The following RBFOX1 variants were observed in gnomAD, a reference collection of about 807,000 sequenced individuals.
RBFOX1 encodes the protein RNA binding protein fox-1 homolog 1.
A neutral mutation model predicts 57.7 loss-of-function variants in RBFOX1; 8 were observed. The ratio of observed to expected loss-of-function variants is 0.14; its 90% CI spans 0.08 to 0.25. The LOEUF (loss-of-function observed/expected upper bound fraction) is 0.25, where lower values mean the gene tolerates loss of function less well. Ranked by LOEUF, RBFOX1 falls within the 10% of genes least tolerant of loss-of-function variation. The pLI is 1.00. For missense variants in RBFOX1, 611 were observed against 548.5 expected (o/e 1.11, Z -1.14); for synonymous variants, 326 against 222.4 (o/e 1.47, Z -4.15).
intron 1 of RBFOX1, among the ~76,000 whole-genome samples, chr16:5,306,438 GC>G (rs768725074): frequency 2.0e-5 from 3 of 151,886 alleles, no homozygotes; most frequent in Non-Finnish European, 4.4e-5. Flanking sequence ...TCCTGCCTCA[GC>G]CTTCTAAATA....
intron 4 of RBFOX1, among the ~76,000 whole-genome samples, chr16:7,504,413 T>A (rs529218811): frequency 2.0e-5 from 3 of 151,896 alleles, no homozygotes; most frequent in Admixed American, 1.3e-4. Context: ...CATGGTCTTG[T>A]GCCTTTTTGA....
intron 4 of RBFOX1, among the ~76,000 whole-genome samples, chr16:5,961,251 T>A (rs1232017800): frequency 6.6e-6 from 1 of 152,160 alleles, no homozygotes; most frequent in Non-Finnish European, 1.5e-5. Flanking sequence ...TGCTGAACAT[T>A]TTACATTAGT....
intron 4 of RBFOX1, among the ~76,000 whole-genome samples, chr16:7,402,521 A>C (rs2098262117): frequency 6.6e-6 from 1 of 152,198 alleles, no homozygotes; most frequent in Admixed American, 6.6e-5. Context: ...TGCTGTCAGG[A>C]GGTCATCGTT....
intron 1 of RBFOX1, among the ~76,000 whole-genome samples, chr16:5,430,250 G>A (rs1296519716): frequency 6.6e-6 from 1 of 152,172 alleles, no homozygotes; most frequent in East Asian, 1.9e-4. Flanking sequence ...GGAAATGGCA[G>A]CAGGTGGTGG....
At chr16:5,953,091 T>C (rs1316352025) in intron 4 of RBFOX1, among the ~76,000 whole-genome samples, 1 of 143,870 alleles carries the variant, frequency 7.0e-6, no homozygotes, top group Non-Finnish European at 1.5e-5. Flanking sequence ...TCTGCCTCTG[T>C]AGATTCTGTG....
intron 4 of RBFOX1, among the ~76,000 whole-genome samples, chr16:7,469,095 G>A (rs943461857): frequency 3.3e-5 from 5 of 151,998 alleles, no homozygotes; most frequent in Admixed American, 6.6e-5. Flanking sequence ...CACCATGCCC[G>A]GCTAATTTTT....
chr16:7,062,967 G>A (rs183966936), intron 4 of RBFOX1, among the ~76,000 whole-genome samples: 4 of 112,914 alleles, frequency 3.5e-5, no homozygotes, highest in African/African-American at 1.0e-4. Context: ...TTCTGTGATC[G>A]AAGAATCCCT....
intron 4 of RBFOX1, among the ~76,000 whole-genome samples, chr16:7,240,820 T>C (rs563970650): frequency 7.6e-4 from 116 of 152,324 alleles, no homozygotes; most frequent in African/African-American, 2.6e-3. Flanking sequence ...TCCACCTGCC[T>C]CAGCCTTCCA....
chr16:5,260,318 C>T (rs903036726), intron 1 of RBFOX1, among the ~76,000 whole-genome samples: 13 of 152,072 alleles, frequency 8.5e-5, no homozygotes, highest in African/African-American at 2.4e-4. Flanking sequence ...CTCACGACCC[C>T]AAGAAATAAA....
At chr16:7,589,229 A>G (rs1400639630) in intron 7 of RBFOX1, among the ~76,000 whole-genome samples, 1 of 152,114 alleles carries the variant, frequency 6.6e-6, no homozygotes, top group East Asian at 1.9e-4. Context: ...CTGCCTTCAA[A>G]GATGTGTTGT....
chr16:6,024,162 A>G (rs779219467), intron 1 of RBFOX1, among the ~76,000 whole-genome samples: 4 of 152,188 alleles, frequency 2.6e-5, no homozygotes. Flanking sequence ...CTGCTGCTAC[A>G]GAAGAGTGTG....
intron 4 of RBFOX1, among the ~76,000 whole-genome samples, chr16:5,962,683 C>G (rs960748110): frequency 2.0e-5 from 3 of 152,066 alleles, no homozygotes; most frequent in Non-Finnish European, 4.4e-5. Flanking sequence ...TAGAAGGTGA[C>G]TATTATTATC....
At chr16:6,475,950 C>T (rs527619313) in intron 2 of RBFOX1, among the ~76,000 whole-genome samples, 27 of 152,108 alleles carry the variant, frequency 1.8e-4, no homozygotes, top group African/African-American at 6.3e-4. Flanking sequence ...TTTTTTCCCC[C>T]TATGAAGAAG....
At chr16:7,370,233 G>T (rs1307635767) in intron 4 of RBFOX1, among the ~76,000 whole-genome samples, 2 of 152,156 alleles carry the variant, frequency 1.3e-5, no homozygotes, top group African/African-American at 4.8e-5. Flanking sequence ...ATGGGGTAAA[G>T]TGGCCATTGA....
At chr16:5,974,091 T>C (rs2060014295) in intron 4 of RBFOX1, among the ~76,000 whole-genome samples, 1 of 152,220 alleles carries the variant, frequency 6.6e-6, no homozygotes, top group South Asian at 2.1e-4. Context: ...ATAATGAATG[T>C]AGAGTGCTCA....
At chr16:5,562,517 G>T (rs1463811515) in intron 2 of RBFOX1, among the ~76,000 whole-genome samples, 1 of 152,084 alleles carries the variant, frequency 6.6e-6, no homozygotes, top group African/African-American at 2.4e-5. Flanking sequence ...GAGGACCTGG[G>T]GGAGACAGGA....
chr16:6,341,907 C>G (rs1344811558), intron 2 of RBFOX1, among the ~76,000 whole-genome samples: 3 of 152,196 alleles, frequency 2.0e-5, no homozygotes, highest in African/African-American at 7.2e-5. Context: ...TCCACTGAAC[C>G]CACCTGGATC....
chr16:6,012,546 G>T (rs750160124), intron 4 of RBFOX1, among the ~76,000 whole-genome samples: 2 of 152,148 alleles, frequency 1.3e-5, no homozygotes, highest in African/African-American at 4.8e-5. Flanking sequence ...CACAGCAAAG[G>T]GTTATTTGGC....
intron 4 of RBFOX1, among the ~76,000 whole-genome samples, chr16:7,485,805 A>C (rs1599676390): frequency 6.6e-6 from 1 of 152,204 alleles, no homozygotes; most frequent in Non-Finnish European, 1.5e-5. Context: ...TGGCTCTCCG[A>C]GTCCACTTGG....
Sources: gnomAD v4.1 joint callset for allele counts (sites outside exome capture counted in the v4.1 genomes callset) on GRCh38, gnomAD v4.1.1 for gene constraint, MANE v1.5 for transcripts, NCBI Gene and HGNC (gene_info 2026-07-23, HGNC 2026-07-21) for gene names.